The following ARID3A variants were observed in gnomAD, a reference collection of about 807,000 sequenced individuals.
ARID3A encodes AT-rich interaction domain 3A.
A neutral mutation model predicts 52.7 loss-of-function variants in ARID3A; 11 were observed. The observed-to-expected ratio is 0.21, with a 90% CI of 0.13 to 0.35. ARID3A has a LOEUF of 0.35. Ranked by LOEUF, ARID3A falls within the 10% of genes least tolerant of loss-of-function variation. The pLI is 1.00. For missense variants in ARID3A, 721 were observed against 838.5 expected, an observed-to-expected ratio of 0.86 and a Z score of 1.73; for synonymous variants, 404 against 359.4, an observed-to-expected ratio of 1.12 and a Z score of -1.40.
intron 3 of ARID3A, among the ~76,000 whole-genome samples, chr19:956,228 C>G (rs76268681): frequency 0.042 from 6,369 of 152,232 alleles, 452 homozygotes; most frequent in African/African-American, 0.15. Flanking sequence ...TCAGGCGTTT[C>G]CCTGGCAAGC....
chr19:970,292 A>G (rs1314749081), intron 8 of ARID3A, among the ~76,000 whole-genome samples: 3 of 151,930 alleles, frequency 2.0e-5, no homozygotes, highest in African/African-American at 7.2e-5. Context: ...CAGCCTGTGC[A>G]ATGGAGCAAG....
In ARID3A at chr19:932,496, T is replaced by C; in HGVS notation, c.447T>C (p.Asp149=). ...AGGAGGAGGAGGAGGATTACGAGGATGAGGAGGAGGAGGAGGACGAGGAGG... is the reference window on the plus strand; with the variant it reads ...AGGAGGAGGAGGAGGATTACGAGGACGAGGAGGAGGAGGAGGACGAGGAGG... ...DEEEEEEDYE[D]EEEEEDEEGL... Residue 149 remains aspartate (D), a synonymous_variant, in exon 3 of 9, where the codon GAT becomes GAC. Coordinates refer to ENST00000263620, the MANE Select transcript of ARID3A (RefSeq NM_005224.3). The C allele has an allele frequency of 6.5e-7, 1 of 1,541,996 alleles. No homozygotes were observed. The highest frequency in any genetic ancestry group is 8.7e-7 in the Non-Finnish European group (1 of 1,146,666).
chr19:929,949 GTCAC>G lies in ARID3A; in HGVS notation c.368+56_368+59del. On this transcript the variant is annotated intron_variant, in intron 2 of 8. Transcript: ENST00000263620. The surrounding 1 kb of genome is among the most constrained non-coding windows in gnomAD (Gnocchi z 6.2). ...CTGGGGGCTGTTACTGGCTCTGAGT[GTCAC>G]TCTGCTCATCTGCAGAATGGGAGTA... 1.3e-6 allele frequency: 2 copies of G among 1,532,902 alleles called. No homozygotes were observed. The highest frequency in any genetic ancestry group is 2.4e-5 in the South Asian group (2 of 83,782). The allele number at this position is 1,532,902 out of a possible 1,614,324, so 95.0% of individuals were successfully genotyped here.
intron 3 of ARID3A, among the ~76,000 whole-genome samples, chr19:946,140 G>A (rs1470704591): frequency 6.6e-6 from 1 of 152,206 alleles, no homozygotes; most frequent in Admixed American, 6.5e-5. Flanking sequence ...CGGGGACCCT[G>A]TACAGAACGC....
chr19:933,939 G>C (rs866388830), intron 3 of ARID3A, among the ~76,000 whole-genome samples: 1 of 151,744 alleles, frequency 6.6e-6, no homozygotes, highest in Non-Finnish European at 1.5e-5. Context: ...ACACTGCCGC[G>C]CGTCCCATTC....
At chr19:952,011 C>T (rs926446771) in intron 3 of ARID3A, among the ~76,000 whole-genome samples, 2 of 152,016 alleles carry the variant, frequency 1.3e-5, no homozygotes, top group Admixed American at 1.3e-4. Flanking sequence ...TGTGGTGGCA[C>T]GTGCCGGTAA....
rs2038120982 is a variant in ARID3A at position 965,091 on chromosome 19, G to A, written c.1198+11G>A. On this transcript the variant is annotated intron_variant, in intron 6 of 8. Coordinates refer to ENST00000263620, the MANE Select transcript of ARID3A (RefSeq NM_005224.3). The stretch of plus-strand genomic sequence containing the variant: ...CTAAGATCAAGAAAGGTAAGGGCCT[G>A]TATGGGGCCTGGGGCGTGTTCCCAA... The A allele has an allele frequency of 1.3e-6, 2 of 1,598,072 alleles. No homozygotes were observed. Among genetic ancestry groups the A allele is most frequent in the Non-Finnish European group, 1.7e-6 (2 of 1,171,582 alleles).
At chr19:937,834 G>A (rs2037468561) in intron 3 of ARID3A, among the ~76,000 whole-genome samples, 1 of 150,934 alleles carries the variant, frequency 6.6e-6, no homozygotes, top group Admixed American at 6.6e-5. Context: ...AGCCTCCCGA[G>A]TAGCTGGGAC....
rs564082993 is a variant in ARID3A at position 964,193 on chromosome 19, C to T, written c.767-55C>T. ...TGGAGAGGGCGGAGGCCAGGACACTCGGCTCCCTGCAGTGCCCAGGTGGCC... is the reference window on the plus strand; with the variant it reads ...TGGAGAGGGCGGAGGCCAGGACACTTGGCTCCCTGCAGTGCCCAGGTGGCC... On this transcript the variant is annotated intron_variant, in intron 4 of 8. Coordinates refer to ENST00000263620, the MANE Select transcript of ARID3A (RefSeq NM_005224.3). This position sits in a 1 kb window ranked among gnomAD's most constrained non-coding sequence, Gnocchi z 5.7. 139 of 1,481,916 alleles carry T rather than the reference C, an allele frequency of 9.4e-5. No individual in the cohort carries two copies. Among genetic ancestry groups the T allele is most frequent in the Admixed American group, 1.4e-4 (8 of 56,042 alleles). 91.8% of individuals were successfully genotyped at this position (1,481,916 alleles called of 1,614,324 possible). A position where few individuals can be genotyped will look rare whatever the true frequency, so the allele number is the denominator to read the frequency against.
In ARID3A at chr19:968,512, CCTG is replaced by C. The variant is rs1568374818; in HGVS notation, c.1594+10_1594+12del. 6.2e-7 allele frequency: 1 copy of C among 1,612,892 alleles called. No homozygotes were observed. The highest frequency in any genetic ancestry group is 1.1e-5 in the South Asian group (1 of 91,014). On this transcript the variant is annotated intron_variant, in intron 8 of 8. Transcript: ENST00000263620. ...CGGCATCATGTACACAGGTAGGACC[CCTG>C]AGGCCACGCCCTGCCTGGACCTCGC... is the stretch of plus-strand genomic sequence containing the variant.
At position 941,031 on chromosome 19, in the gene ARID3A, C is replaced by T. The variant is rs372218773; in HGVS notation, c.693+8289C>T. On this transcript the variant is annotated intron_variant, in intron 3 of 8. Transcript: ENST00000263620. The surrounding 1 kb of genome is among the most constrained non-coding windows in gnomAD (Gnocchi z 6.9). ...TCTGGCCCCTGCGCCACCGCCTGGC[C>T]GTCGGGTCACCGCCGCGGGGTCACC... Among the ~76,000 whole-genome samples, 9 of 152,160 alleles carry T rather than the reference C, an allele frequency of 5.9e-5. No homozygotes were observed. In the South Asian group the frequency reaches 1.0e-3, roughly 18 times the overall value.
rs1032954601 is a variant in ARID3A at position 941,394 on chromosome 19, CGT to C, written c.693+8658_693+8659del. Among the ~76,000 whole-genome samples the C allele has an allele frequency of 3.3e-5, 5 of 152,208 alleles. No homozygotes were observed. The highest frequency in any genetic ancestry group is 1.2e-4 in the African/African-American group (5 of 41,464). ...GGCACCTGCTGGATTCTGTGGGTCT[CGT>C]GTGTGGGGCTGTGTGCACCCAGCCA... On this transcript the variant is annotated intron_variant, in intron 3 of 8. Transcript: ENST00000263620. This position sits in a 1 kb window ranked among gnomAD's most constrained non-coding sequence, Gnocchi z 6.9.
chr19:966,165 CAA>C (rs558429852), intron 6 of ARID3A, among the ~76,000 whole-genome samples: 6 of 116,356 alleles, frequency 5.2e-5, no homozygotes, highest in Non-Finnish European at 1.9e-5. Context: ...TGTCTCAAAG[CAA>C]AAAAAAAAAA....
intron 3 of ARID3A, among the ~76,000 whole-genome samples, chr19:940,413 G>GGGTGGGCAGAGCTT (rs1332458576): frequency 5.3e-5 from 8 of 152,076 alleles, no homozygotes; most frequent in African/African-American, 1.4e-4. Context: ...GTAGCAGGAG[G>GGGTGGGCAGAGCTT]GGTGGGCAGA....
intron 4 of ARID3A, among the ~76,000 whole-genome samples, chr19:962,531 T>TTTTTGG (rs2038064077): frequency 6.8e-6 from 1 of 147,774 alleles, no homozygotes; most frequent in Non-Finnish European, 1.5e-5. Context: ...TTTTTTTTTT[T>TTTTTGG]GAGACAGAGT....
In ARID3A at chr19:929,804, C is replaced by T. The variant is rs1469632916; in HGVS notation, c.276C>T (p.Asp92=). ...EDGPPGSEEE[D]AAREGTPGSP... is the part of the protein sequence containing the mutation. ...GGCCCCCAGGCTCGGAGGAGGAGGA[C>T]GCGGCCCGGGAGGGGACACCGGGCT... The change falls in exon 2 of 9, where the codon GAC becomes GAT. Residue 92 remains aspartate, a synonymous_variant. Transcript: ENST00000263620. This position sits in a 1 kb window ranked among gnomAD's most constrained non-coding sequence, Gnocchi z 6.2. 20 of 1,546,388 alleles carry T rather than the reference C, an allele frequency of 1.3e-5. No individual in the cohort carries two copies. Among genetic ancestry groups the T allele is most frequent in the South Asian group, 4.7e-5 (4 of 84,288 alleles).
At chr19:936,775 A>G (rs1471127891) in intron 3 of ARID3A, among the ~76,000 whole-genome samples, 1 of 152,104 alleles carries the variant, frequency 6.6e-6, no homozygotes, top group Non-Finnish European at 1.5e-5. Context: ...TCAGAAGCAG[A>G]GGTTACAGTG....
At position 960,291 on chromosome 19, in the gene ARID3A, T is replaced by G; in HGVS notation, c.766+127T>G. On this transcript the variant is annotated intron_variant, in intron 4 of 8. Coordinates refer to ENST00000263620, the MANE Select transcript of ARID3A (RefSeq NM_005224.3). The surrounding 1 kb of genome is among the most constrained non-coding windows in gnomAD (Gnocchi z 4.3). ...CGTGGCTGGAGGCATCCAAGGCTCC[T>G]AAATCGGGAGGGACTTCAGGGGTGT... 1.3e-6 allele frequency: 1 copy of G among 785,266 alleles called. No homozygotes were observed. Among genetic ancestry groups the G allele is most frequent in the Non-Finnish European group, 1.9e-6 (1 of 516,408 alleles). The allele number at this position is 785,266 out of a possible 1,614,324, so 48.6% of individuals were successfully genotyped here. A position where few individuals can be genotyped will look rare whatever the true frequency, so the allele number is the denominator to read the frequency against.
chr19:950,111 C>G (rs371550108), intron 3 of ARID3A, among the ~76,000 whole-genome samples: 3,876 of 20,704 alleles, frequency 0.19, no homozygotes, highest in Middle Eastern at 0.31. Flanking sequence ...ATGAGGCCGT[C>G]CCCAGAGTGA....
Sources: allele counts gnomAD v4.1 joint callset (sites outside exome capture counted in the v4.1 genomes callset), GRCh38; gene constraint gnomAD v4.1.1; non-coding constraint Gnocchi (gnomAD v3.1); transcripts MANE v1.5; gene names NCBI Gene and HGNC (gene_info 2026-07-23, HGNC 2026-07-21).